The following TNKS variants were observed in gnomAD, a reference collection of about 807,000 sequenced individuals.
The protein encoded by TNKS is tankyrase.
In TNKS, 72 loss-of-function variants were observed where a neutral mutation model predicts 135.8. The ratio of observed to expected loss-of-function variants is 0.53; its 90% CI spans 0.44 to 0.64. The LOEUF is 0.64. TNKS is among the 30% of genes least tolerant of loss of function. The pLI is 0.00. For missense variants in TNKS, 1,769 were observed against 1,674.0 expected (o/e 1.06, Z -0.99); for synonymous variants, 849 against 649.3 (o/e 1.31, Z -4.68).
intron 2 of TNKS, among the ~76,000 whole-genome samples, chr8:9,614,880 A>G (rs936450755): frequency 1.3e-5 from 2 of 152,166 alleles, no homozygotes; most frequent in African/African-American, 2.4e-5. Flanking sequence ...AGGAACCTCC[A>G]TATTTAAGAA....
Position 9,751,625 on chromosome 8 carries a change from C to G in TNKS, c.2849C>G (p.Ala950Gly). Residue 950 changes from alanine to glycine, a missense_variant, in exon 19 of 27, where the codon GCT becomes GGT. Around this residue, in one of 5 missense-constraint regions of TNKS, gnomAD observed 722 missense variants for 688.9 expected, o/e 1.05. Coordinates refer to ENST00000310430, the MANE Select transcript of TNKS (RefSeq NM_003747.3). ...LDLATADDIR[A>G]LLIDAMPPEA... ...TTTTTTTAGGCTGACGATATCAGAGCTTTGCTGATAGATGCCATGCCCCCA... is the reference window on the plus strand; with the variant it reads ...TTTTTTTAGGCTGACGATATCAGAGGTTTGCTGATAGATGCCATGCCCCCA... 6.2e-7 allele frequency: 1 copy of G among 1,614,026 alleles called. No individual in the cohort carries two copies. Among genetic ancestry groups the G allele is most frequent in the Non-Finnish European group, 8.5e-7 (1 of 1,179,934 alleles).
At chr8:9,712,368 G>A (rs1042671826) in intron 11 of TNKS, among the ~76,000 whole-genome samples, 16 of 151,594 alleles carry the variant, frequency 1.1e-4, no homozygotes, top group Admixed American at 5.3e-4. Context: ...TAGTCCTAGC[G>A]ACTCGGGAGG....
At chr8:9,617,864 A>C (rs1347616484) in intron 3 of TNKS, among the ~76,000 whole-genome samples, 11 of 152,138 alleles carry the variant, frequency 7.2e-5, no homozygotes, top group African/African-American at 2.2e-4. Flanking sequence ...TACTTGCTGC[A>C]AATGTCTTTC....
At chr8:9,732,719 G>C (rs923729581) in intron 14 of TNKS, among the ~76,000 whole-genome samples, 1 of 152,086 alleles carries the variant, frequency 6.6e-6, no homozygotes, top group Admixed American at 6.6e-5. Flanking sequence ...TCAGAGCTTA[G>C]ACTCCTCTCA....
chr8:9,751,924 A>G lies in TNKS; in HGVS notation c.3070+78A>G, dbSNP rs564241910. ...GAATGACTTTTTTCTATTGATAACT[A>G]TTGAATGCCTCAATTAGAGACGTCC... is the stretch of plus-strand genomic sequence containing the variant. On this transcript the variant is annotated intron_variant, in intron 19 of 26. Coordinates refer to ENST00000310430, the MANE Select transcript of TNKS (RefSeq NM_003747.3). 1,108 of 1,276,990 alleles carry G rather than the reference A, an allele frequency of 8.7e-4. 16 individuals carry two copies. The South Asian group carries it at 0.012, about 14-fold the overall frequency. The allele number at this position is 1,276,990 out of a possible 1,614,324, so 79.1% of individuals were successfully genotyped here. A position where few individuals can be genotyped will look rare whatever the true frequency, so the allele number is the denominator to read the frequency against.
intron 3 of TNKS, among the ~76,000 whole-genome samples, chr8:9,671,648 A>G (rs1585308689): frequency 6.6e-6 from 1 of 152,204 alleles, no homozygotes; most frequent in African/African-American, 2.4e-5. Context: ...TTTTGGTGTG[A>G]TAGAAATGTT....
intron 1 of TNKS, among the ~76,000 whole-genome samples, chr8:9,579,286 C>T (rs1028760030): frequency 6.6e-6 from 1 of 152,080 alleles, no homozygotes; most frequent in Non-Finnish European, 1.5e-5. Flanking sequence ...TATAGTTTGG[C>T]CACTAGCCCC....
At chr8:9,564,638 T>C (rs1172755353) in intron 1 of TNKS, among the ~76,000 whole-genome samples, 1 of 152,222 alleles carries the variant, frequency 6.6e-6, no homozygotes, top group East Asian at 1.9e-4. Context: ...AGTTGCTTCT[T>C]ACCTTTTTAT....
At chr8:9,775,306 TAC>T (rs1371819681) in intron 26 of TNKS, among the ~76,000 whole-genome samples, 7 of 151,664 alleles carry the variant, frequency 4.6e-5, no homozygotes, top group Admixed American at 3.3e-4. Context: ...AAAATAAAAG[TAC>T]AGACTGGTTA....
chr8:9,566,381 A>C (rs1220584645), intron 1 of TNKS: 5 of 152,174 alleles, frequency 3.3e-5, no homozygotes, highest in African/African-American at 1.2e-4. Flanking sequence ...ACTTAACAAC[A>C]GAAAAATATA....
At chr8:9,577,334 A>G (rs999356478) in intron 1 of TNKS, among the ~76,000 whole-genome samples, 2 of 152,194 alleles carry the variant, frequency 1.3e-5, no homozygotes, top group Non-Finnish European at 2.9e-5. Context: ...TAATGGTAAA[A>G]ATGTTTTTAT....
At position 9,765,789 on chromosome 8, in the gene TNKS, T is replaced by C; in HGVS notation, c.3545T>C (p.Leu1182Ser). ...CACAACCATCACAATGAGCGCATGT[T>C]GTTTCATGGTAAGCAGCGTGGCAGG... ...ENHNHHNERM[L>S]FHGSPFINAI... is the part of the protein sequence containing the mutation. The change falls in exon 24 of 27, where the codon TTG (leucine) becomes TCG (serine). Residue 1182 changes from leucine (L) to serine (S), a missense_variant. Leu to Ser is a moderately radical substitution (Grantham distance 145). Transcript: ENST00000310430. 6.2e-7 allele frequency: 1 copy of C among 1,613,770 alleles called. No individual in the cohort carries two copies. Among genetic ancestry groups the C allele is most frequent in the Non-Finnish European group, 8.5e-7 (1 of 1,179,748 alleles).
At chr8:9,770,708 A>G (rs1807779233) in intron 26 of TNKS, among the ~76,000 whole-genome samples, 2 of 152,272 alleles carry the variant, frequency 1.3e-5, no homozygotes, top group Admixed American at 1.3e-4. Flanking sequence ...GAGAAAAATA[A>G]AGAAGGAAAT....
chr8:9,576,607 C>T (rs903480269), intron 1 of TNKS, among the ~76,000 whole-genome samples: 1 of 151,836 alleles, frequency 6.6e-6, no homozygotes, highest in Admixed American at 6.6e-5. Flanking sequence ...TGAGAATTCA[C>T]TCATGTGACA....
chr8:9,595,385 T>C lies in TNKS; in HGVS notation c.898+15002T>C, dbSNP rs11988368. 1.1e-3 allele frequency among the ~76,000 whole-genome samples: 174 copies of C among 152,220 alleles called. 2 individuals are homozygous for C. The highest frequency in any genetic ancestry group is 3.9e-3 in the African/African-American group (160 of 41,546). ...GAAGAGAGGCCCAGAATGAGAGTCA[T>C]TGTGCCTTTGGAAATAATCTCCGCT... is the stretch of plus-strand genomic sequence containing the variant. On this transcript the variant is annotated intron_variant, in intron 2 of 26. Coordinates refer to ENST00000310430, the MANE Select transcript of TNKS (RefSeq NM_003747.3).
chr8:9,567,564 C>T (rs530373264), intron 1 of TNKS, among the ~76,000 whole-genome samples: 119 of 152,242 alleles, frequency 7.8e-4, no homozygotes, highest in Non-Finnish European at 1.4e-3. Flanking sequence ...TACAGGCGCC[C>T]GCCACCACGC....
intron 1 of TNKS, among the ~76,000 whole-genome samples, chr8:9,565,787 G>A (rs1213137692): frequency 6.6e-6 from 1 of 152,020 alleles, no homozygotes; most frequent in Non-Finnish European, 1.5e-5. Context: ...AACCCCGGAG[G>A]CAGAGCTTGC....
At chr8:9,649,878 C>CTTTTTTTTTTTTT (rs71201959) in intron 3 of TNKS, among the ~76,000 whole-genome samples, 25 of 83,364 alleles carry the variant, frequency 3.0e-4, no homozygotes, top group African/African-American at 1.3e-3. Flanking sequence ...CTTTTCTTTT[C>CTTTTTTTTTTTTT]TTTTTTTTTT....
chr8:9,714,548 T>C (rs1479164918), intron 11 of TNKS, among the ~76,000 whole-genome samples: 2 of 152,174 alleles, frequency 1.3e-5, no homozygotes, highest in African/African-American at 2.4e-5. Flanking sequence ...ACTCCATAAA[T>C]ATTGGCATGC....
Sources: allele counts gnomAD v4.1 joint callset (sites outside exome capture counted in the v4.1 genomes callset), GRCh38; gene constraint gnomAD v4.1.1; regional missense constraint gnomAD v4.1.1; transcripts MANE v1.5; gene names NCBI Gene and HGNC (gene_info 2026-07-23, HGNC 2026-07-21).